KDR: variants seen among roughly 807,000 people sequenced by gnomAD.
KDR encodes vascular endothelial growth factor receptor 2.
A neutral mutation model predicts 160.9 loss-of-function variants in KDR; 43 were observed. The ratio of observed to expected loss-of-function variants is 0.27; its 90% CI spans 0.21 to 0.34. KDR has a LOEUF of 0.34. Ranked by LOEUF, KDR falls within the 10% of genes least tolerant of loss-of-function variation. The probability of loss-of-function intolerance (pLI) is 1.00; values close to 1 mark genes in which losing one functional copy is unlikely to be tolerated. For synonymous variants in KDR, 617 were observed against 600.1 expected (o/e 1.03, Z -0.41); for missense variants, 1,469 against 1,666.4 (o/e 0.88, Z 2.06).
intron 22 of KDR, among the ~76,000 whole-genome samples, chr4:55,090,894 G>T (rs901778304): frequency 1.1e-4 from 13 of 114,644 alleles, no homozygotes; most frequent in Admixed American, 7.8e-4. Flanking sequence ...TCTCACTCTC[G>T]CCCAGGCTGG....
rs145291918 is a variant in KDR at position 55,081,989 on chromosome 4, A to T, written c.3815T>A (p.Leu1272Ter). 6.2e-7 allele frequency: 1 copy of T among 1,613,950 alleles called. No homozygotes were observed. The highest frequency in any genetic ancestry group is 8.5e-7 in the Non-Finnish European group (1 of 1,179,812). ...TGGAGATAATTTGGTTCTGTCTTCC[A>T]AAGTTTTCAGCTCTTCTGAGGCAAG... ...MVLASEELKTLEDRTKLSPSF... is the reference protein window; with the variant it reads ...MVLASEELKT The change falls in exon 29 of 30, where the codon TTG (leucine) becomes TAG (stop). Residue 1272 changes from leucine (L) to a stop codon, truncating the protein, a stop_gained. Transcript: ENST00000263923. LOFTEE classifies it high-confidence loss of function.
chr4:55,087,902 C>T (rs1460050551), intron 26 of KDR, 144 bp from the exon 27 acceptor site: 5 of 783,954 alleles, frequency 6.4e-6, no homozygotes, highest in East Asian at 2.5e-5. Context: ...GACAACAATA[C>T]AAATCATGTG....
At chr4:55,108,326 CAG>C (rs1201583848) in intron 9 of KDR, among the ~76,000 whole-genome samples, 1 of 152,120 alleles carries the variant, frequency 6.6e-6, no homozygotes, top group Non-Finnish European at 1.5e-5. Flanking sequence ...ATCTGTATTA[CAG>C]AGATAGTTCT....
chr4:55,107,616 T>C, intron 10 of KDR, 121 bp downstream of exon 10: 1 of 1,142,046 alleles, frequency 8.8e-7, no homozygotes, highest in East Asian at 2.4e-5. Flanking sequence ...AGATTCAGGC[T>C]ACCTCTTGAG....
rs151271417 is a variant in KDR, at chr4:55,123,727, C to T, written c.67+1500G>A. Among the ~76,000 whole-genome samples, 544 of 152,140 alleles carry T rather than the reference C, an allele frequency of 3.6e-3. 7 individuals carry two copies. The highest frequency in any genetic ancestry group is 0.011 in the African/African-American group (451 of 41,506). Reference sequence around the variant, plus strand: ...CACATGCTACTACTCAATAAAAAGCCCTTCTATGTTCAAATCCCATAACCA... The same window carrying T: ...CACATGCTACTACTCAATAAAAAGCTCTTCTATGTTCAAATCCCATAACCA... On this transcript the variant is annotated intron_variant, in intron 1 of 29. Coordinates refer to ENST00000263923, the MANE Select transcript of KDR (RefSeq NM_002253.4).
Position 55,099,365 on chromosome 4 carries a change from A to G in KDR, c.2267-562T>C, listed in dbSNP as rs1004901035. On this transcript the variant is annotated intron_variant, in intron 15 of 29. Coordinates refer to ENST00000263923, the MANE Select transcript of KDR (RefSeq NM_002253.4). ...ATTTAAAGCTTGCAAAACATTGCTC[A>G]TGTAAACTTACAACAATAAAATTCT... Among the ~76,000 whole-genome samples, 7 of 152,202 alleles carry G rather than the reference A, an allele frequency of 4.6e-5. No homozygotes were observed. In the East Asian group the frequency reaches 1.3e-3, roughly 29 times the overall value.
At chr4:55,119,883 C>T (rs1560524964) in intron 2 of KDR, among the ~76,000 whole-genome samples, 1 of 152,170 alleles carries the variant, frequency 6.6e-6, no homozygotes, top group Non-Finnish European at 1.5e-5. Flanking sequence ...ATTGGCCCTT[C>T]ATTCAAAGAA....
rs772035220 is a variant in KDR at position 55,082,596 on chromosome 4, C to T, written c.3702G>A (p.Val1234=). 1.2e-6 allele frequency: 2 copies of T among 1,613,974 alleles called. No individual in the cohort carries two copies. The highest frequency in any genetic ancestry group is 1.7e-6 in the Non-Finnish European group (2 of 1,179,916). The change falls in exon 28 of 30, where the codon GTG becomes GTA. Residue 1234 remains valine (V), a synonymous_variant. Coordinates refer to ENST00000263923, the MANE Select transcript of KDR (RefSeq NM_002253.4). ...GGATATCTTCAAATGTTTTTACACT[C>T]ACAGGCCGGCTCTTTCGCTTACTGT... The part of the protein sequence containing the change: ...LQNSKRKSRP[V]SVKTFEDIPL...
intron 15 of KDR, among the ~76,000 whole-genome samples, chr4:55,099,330 T>C (rs2110018760): frequency 6.6e-6 from 1 of 152,256 alleles, no homozygotes; most frequent in South Asian, 2.1e-4. Flanking sequence ...TACAGAATTG[T>C]TAATGGAAAA....
At chr4:55,086,727 C>T (rs1023989928) in intron 27 of KDR, among the ~76,000 whole-genome samples, 2 of 152,200 alleles carry the variant, frequency 1.3e-5, no homozygotes, top group African/African-American at 2.4e-5. Context: ...AAACTGTCCA[C>T]GAGTTTCTCC....
chr4:55,093,119 C>T (rs1441369895), intron 21 of KDR, among the ~76,000 whole-genome samples: 1 of 152,222 alleles, frequency 6.6e-6, no homozygotes, highest in African/African-American at 2.4e-5. Flanking sequence ...GTCATTGAAT[C>T]TCTTCTCTCC....
rs377135636 is a variant in KDR at position 55,112,669 on chromosome 4, C to T, written c.976+635G>A. ...TCAGCCTCCTGAGTAGCTGGGATTA[C>T]AAGCTCCCACCACCACACCAGGCTA... is the stretch of plus-strand genomic sequence containing the variant. On this transcript the variant is annotated intron_variant, in intron 7 of 29. Transcript: ENST00000263923. Among the ~76,000 whole-genome samples, 99 of 152,012 alleles carry T rather than the reference C, an allele frequency of 6.5e-4. 1 individual carries two copies. The South Asian group carries it at 0.021, about 32-fold the overall frequency.
chr4:55,083,564 G>A (rs771607419), intron 27 of KDR, among the ~76,000 whole-genome samples: 11 of 151,860 alleles, frequency 7.2e-5, no homozygotes, highest in Non-Finnish European at 1.0e-4. Flanking sequence ...GCTCCTTCCC[G>A]GCCGTGTGGC....
intron 13 of KDR, 30 bp from the exon 14 acceptor site, chr4:55,102,538 A>G (rs368221033): frequency 5.0e-5 from 80 of 1,612,776 alleles, no homozygotes; most frequent in Non-Finnish European, 6.3e-5. Flanking sequence ...ATCACAGAAC[A>G]TGGAATTATA....
intron 17 of KDR, among the ~76,000 whole-genome samples, 171 bp downstream of exon 17, chr4:55,097,966 G>A (rs1720204246): frequency 6.6e-6 from 1 of 151,784 alleles, no homozygotes; most frequent in South Asian, 2.1e-4. Context: ...TGATTACATA[G>A]GGACCCTACC....
rs1720396846 is a variant in KDR at position 55,104,734 on chromosome 4, T to C, written c.1896A>G (p.Ala632=). The stretch of plus-strand genomic sequence containing the variant: ...CATAGTCTCCTTGGTCCTGCAAGGA[T>C]GCATTCTTAAGCTCCATGATCAAAA... ...NDILIMELKN[A]SLQDQGDYVC... is the part of the protein sequence containing the mutation. Residue 632 remains alanine, a synonymous_variant, in exon 13 of 30, where the codon GCA becomes GCG. Coordinates refer to ENST00000263923, the MANE Select transcript of KDR (RefSeq NM_002253.4). The C allele has an allele frequency of 6.8e-6, 11 of 1,613,802 alleles. No individual in the cohort carries two copies. The highest frequency in any genetic ancestry group is 1.3e-5 in the African/African-American group (1 of 74,904).
chr4:55,086,924 T>C (rs913989694), intron 27 of KDR, among the ~76,000 whole-genome samples: 10 of 152,162 alleles, frequency 6.6e-5, no homozygotes. Flanking sequence ...GTCCCAGCCT[T>C]AGTAAAGGGC....
rs1392823128 is a variant in KDR, at chr4:55,079,340, C to CT, written c.*600dup. On this transcript the variant is annotated 3_prime_UTR_variant, in exon 30 of 30. Coordinates refer to ENST00000263923, the MANE Select transcript of KDR (RefSeq NM_002253.4). ...TAAAACCAGAAACCCCGTCTGAACC[C>CT]TTTACATTTCAGAACAGACCCCATG... is the stretch of plus-strand genomic sequence containing the variant. The CT allele has an allele frequency of 4.2e-6, 1 of 238,774 alleles. No individual in the cohort carries two copies. Among genetic ancestry groups the CT allele is most frequent in the African/African-American group, 2.2e-5 (1 of 45,396 alleles). The allele number at this position is 238,774 out of a possible 1,614,324, so 14.8% of individuals were successfully genotyped here. A position where few individuals can be genotyped will look rare whatever the true frequency, so the allele number is the denominator to read the frequency against.
intron 26 of KDR, 131 bp downstream of exon 26, chr4:55,088,737 T>C (rs992346131): frequency 2.8e-6 from 2 of 719,556 alleles, no homozygotes; most frequent in Non-Finnish European, 5.1e-6. Context: ...ATTACTCAGA[T>C]GTAGAAGAAT....
Sources: allele counts gnomAD v4.1 joint callset (sites outside exome capture counted in the v4.1 genomes callset), GRCh38; gene constraint gnomAD v4.1.1; transcripts MANE v1.5; gene names NCBI Gene and HGNC (gene_info 2026-07-23, HGNC 2026-07-21).